The following IMPG1 variants were observed in gnomAD, a reference collection of about 807,000 sequenced individuals.
The protein encoded by IMPG1 is interphotoreceptor matrix proteoglycan 1, also known as interphotoreceptor matrix proteoglycan of 150 kDa.
A neutral mutation model predicts 92.0 loss-of-function variants in IMPG1; 85 were observed. That is an observed-to-expected ratio of 0.92 (90% CI 0.78 to 1.11). IMPG1 has a LOEUF of 1.11. IMPG1 is among the 50% of genes least tolerant of loss of function. The probability of loss-of-function intolerance (pLI) is 0.00; values close to 1 mark genes in which losing one functional copy is unlikely to be tolerated. For missense variants in IMPG1, 1,022 were observed against 956.0 expected (o/e 1.07, Z -0.91); for synonymous variants, 367 against 334.1 (o/e 1.10, Z -1.08).
At chr6:76,026,974 A>G (rs1394499500) in intron 4 of IMPG1, among the ~76,000 whole-genome samples, 4 of 152,174 alleles carry the variant, frequency 2.6e-5, no homozygotes, top group Non-Finnish European at 5.9e-5. Flanking sequence ...AGCCCCATTC[A>G]GTGACTAGGT....
chr6:76,011,331 A>G (rs2149479882), intron 7 of IMPG1, 107 bp from the exon 8 acceptor site: 1 of 500,262 alleles, frequency 2.0e-6, no homozygotes, highest in South Asian at 3.7e-5. Flanking sequence ...ACAGCTGAAA[A>G]TGGAAAATGA....
chr6:75,996,397 G>C (rs530657317), intron 12 of IMPG1, among the ~76,000 whole-genome samples: 3 of 152,284 alleles, frequency 2.0e-5, no homozygotes, highest in East Asian at 3.9e-4. Context: ...TATCAGCATG[G>C]AAGGAAGAGA....
intron 14 of IMPG1, among the ~76,000 whole-genome samples, chr6:75,944,865 A>G (rs1045659422): frequency 2.6e-5 from 4 of 152,230 alleles, no homozygotes; most frequent in Non-Finnish European, 4.4e-5. Flanking sequence ...ACCTCTGGAA[A>G]GCAAGCAAGT....
intron 15 of IMPG1, among the ~76,000 whole-genome samples, chr6:75,930,495 T>G (rs1036440441): frequency 6.6e-6 from 1 of 152,220 alleles, no homozygotes; most frequent in African/African-American, 2.4e-5. Context: ...GATTTTTATC[T>G]TTTTTTCTCG....
intron 8 of IMPG1, among the ~76,000 whole-genome samples, chr6:76,008,214 CT>C (rs1480078697): frequency 6.6e-6 from 1 of 152,192 alleles, no homozygotes; most frequent in Non-Finnish European, 1.5e-5. Context: ...GGTTGAAATC[CT>C]GGCCTTCCTG....
At chr6:75,998,992 G>A (rs1782942939) in intron 12 of IMPG1, among the ~76,000 whole-genome samples, 1 of 152,170 alleles carries the variant, frequency 6.6e-6, no homozygotes. Context: ...GAATAGCTGA[G>A]ATTACAGGCA....
chr6:75,974,393 T>TTCCTTCCTTCCTTCCTTGCTTCC (rs1313714060), intron 12 of IMPG1, among the ~76,000 whole-genome samples: 6 of 65,030 alleles, frequency 9.2e-5, no homozygotes, highest in African/African-American at 3.5e-4. Flanking sequence ...CTTTCTTTCT[T>TTCCTTCCTTCCTTCCTTGCTTCC]TTCTTTCTTT....
At chr6:75,979,032 C>A (rs188016249) in intron 12 of IMPG1, among the ~76,000 whole-genome samples, 8 of 152,212 alleles carry the variant, frequency 5.3e-5, no homozygotes, top group Non-Finnish European at 1.0e-4. Flanking sequence ...CCCACCCCAG[C>A]CTCCCAGGTA....
At chr6:76,044,052 T>G (rs1421195981) in intron 1 of IMPG1, among the ~76,000 whole-genome samples, 1 of 152,230 alleles carries the variant, frequency 6.6e-6, no homozygotes, top group Non-Finnish European at 1.5e-5. Flanking sequence ...CTGGGATTAC[T>G]TGAAGTGGCT....
At chr6:75,926,665 G>C (rs1426476492) in intron 15 of IMPG1, among the ~76,000 whole-genome samples, 1 of 152,194 alleles carries the variant, frequency 6.6e-6, no homozygotes, top group Non-Finnish European at 1.5e-5. Flanking sequence ...GTTAGATTTA[G>C]ATTTGCATTT....
intron 15 of IMPG1, among the ~76,000 whole-genome samples, chr6:75,925,256 T>A (rs1344824050): frequency 1.3e-5 from 2 of 152,304 alleles, no homozygotes; most frequent in African/African-American, 4.8e-5. Context: ...TCAGTTAAAT[T>A]TTTTTAAATA....
intron 12 of IMPG1, among the ~76,000 whole-genome samples, chr6:75,964,675 C>CCAAAA (rs376765682): frequency 2.4e-5 from 2 of 81,812 alleles, no homozygotes; most frequent in African/African-American, 1.0e-4. Context: ...AGACTAGTCT[C>CCAAAA]AAAAAAAAAA....
Position 76,072,662 on chromosome 6 carries a change from T to G in IMPG1, c.-174A>C. 1 of 495,178 alleles carries G rather than the reference T, an allele frequency of 2.0e-6. No individual in the cohort carries two copies. Among genetic ancestry groups the G allele is most frequent in the Non-Finnish European group, 3.6e-6 (1 of 281,582 alleles). The allele number at this position is 495,178 out of a possible 1,614,324, so 30.7% of individuals were successfully genotyped here. A position where few individuals can be genotyped will look rare whatever the true frequency, so the allele number is the denominator to read the frequency against. On this transcript the variant is annotated 5_prime_UTR_variant, in exon 1 of 17. Coordinates refer to ENST00000369950, the MANE Select transcript of IMPG1 (RefSeq NM_001563.4). ...TTTATGAAGAACATGTAGCAGTGTCTGTTTCTGGAATAATCTGCTTGTCTT... is the reference window on the plus strand; with the variant it reads ...TTTATGAAGAACATGTAGCAGTGTCGGTTTCTGGAATAATCTGCTTGTCTT...
At chr6:76,025,326 T>A in intron 4 of IMPG1, 68 bp from the exon 5 acceptor site, 2 of 814,820 alleles carry the variant, frequency 2.5e-6, no homozygotes, top group Non-Finnish European at 4.1e-6. Flanking sequence ...AGAACATACA[T>A]TTAAATTTCT....
At chr6:76,029,622 G>A (rs1278267669) in intron 4 of IMPG1, among the ~76,000 whole-genome samples, 1 of 152,156 alleles carries the variant, frequency 6.6e-6, no homozygotes, top group Non-Finnish European at 1.5e-5. Context: ...CAAGAGGGAT[G>A]GGTAATGTAG....
At chr6:75,993,315 A>G (rs1782844599) in intron 12 of IMPG1, among the ~76,000 whole-genome samples, 2 of 152,192 alleles carry the variant, frequency 1.3e-5, no homozygotes, top group African/African-American at 4.8e-5. Context: ...CCATAGATCA[A>G]TGACTCAAAC....
At chr6:75,926,244 T>A (rs965851844) in intron 15 of IMPG1, among the ~76,000 whole-genome samples, 2 of 152,206 alleles carry the variant, frequency 1.3e-5, no homozygotes, top group African/African-American at 4.8e-5. Context: ...TTGCTCAAAT[T>A]ATTAATCAGG....
At chr6:75,923,810 A>T in intron 15 of IMPG1, 104 bp from the exon 16 acceptor site, 1 of 650,690 alleles carries the variant, frequency 1.5e-6, no homozygotes. Flanking sequence ...TGACAAGTGA[A>T]AATAGATAGC....
chr6:76,028,981 T>C (rs1409772860), intron 4 of IMPG1, among the ~76,000 whole-genome samples: 1 of 152,260 alleles, frequency 6.6e-6, no homozygotes, highest in Non-Finnish European at 1.5e-5. Context: ...TCCATTTTTC[T>C]TTTGCAACAA....
Sources: allele counts gnomAD v4.1 joint callset (sites outside exome capture counted in the v4.1 genomes callset), GRCh38; gene constraint gnomAD v4.1.1; transcripts MANE v1.5; gene names NCBI Gene and HGNC (gene_info 2026-07-23, HGNC 2026-07-21).